Variants in ZDHHC9 observed in about 807,000 individuals in gnomAD.
ZDHHC9 encodes palmitoyltransferase ZDHHC9.
A neutral mutation model predicts 26.6 loss-of-function variants in ZDHHC9; 3 were observed. The ratio of observed to expected loss-of-function variants is 0.11; its 90% CI spans 0.05 to 0.29. The LOEUF is 0.29. Among genes scored for constraint, ZDHHC9 ranks in the 10% least tolerant of loss-of-function variants. The pLI, the probability that ZDHHC9 is intolerant of heterozygous loss-of-function variation, is 1.00. For missense variants in ZDHHC9, 146 were observed against 296.4 expected (o/e 0.49, Z 3.73); for synonymous variants, 111 against 109.4 (o/e 1.01, Z -0.09).
At chrX:129,823,254 A>G in intron 5 of ZDHHC9, 1 of 158,365 alleles carries the variant, frequency 6.3e-6, no homozygotes, top group Admixed American at 7.5e-5. Context: ...CCCAATATGT[A>G]GTAGAAACTC....
intron 5 of ZDHHC9, among the ~76,000 whole-genome samples, chrX:129,818,261 T>C (rs1451509716): frequency 1.8e-5 from 2 of 111,948 alleles, no homozygotes; most frequent in African/African-American, 6.5e-5. Context: ...CTCGCACCTC[T>C]ATCTTGGACT....
chrX:129,820,091 C>T (rs901565970), intron 5 of ZDHHC9, among the ~76,000 whole-genome samples: 2 of 111,184 alleles, frequency 1.8e-5, no homozygotes, highest in East Asian at 5.6e-4. Context: ...ATTTCCACCC[C>T]GAAATATTTT....
In ZDHHC9 at chrX:129,843,702, C is replaced by A. The variant is rs1331963154; in HGVS notation, c.-210G>T. 4.8e-5 allele frequency: 5 copies of A among 103,376 alleles called. No individual in the cohort carries two copies. Among genetic ancestry groups the A allele is most frequent in the African/African-American group, 1.8e-4 (5 of 28,125 alleles). The allele number at this position is 103,376 out of a possible 1,213,427, so 8.5% of individuals were successfully genotyped here. ...CGCCCCCACCCCTCGTTACCTGAAC[C>A]ACGGAGACCCAACTCGGCCGGCAGC... On this transcript the variant is annotated 5_prime_UTR_variant, in exon 1 of 11. Transcript: ENST00000357166.
At chrX:129,826,937 T>C (rs1569321037) in intron 4 of ZDHHC9, among the ~76,000 whole-genome samples, 1 of 112,619 alleles carries the variant, frequency 8.9e-6, no homozygotes. Context: ...CTTACGCCTG[T>C]AATCCCAGAA....
chrX:129,824,875 A>G (rs1358174729), intron 4 of ZDHHC9, among the ~76,000 whole-genome samples: 1 of 112,739 alleles, frequency 8.9e-6, no homozygotes, highest in Non-Finnish European at 1.9e-5. Flanking sequence ...ATGAAAATGT[A>G]TGTTAAAAAG....
chrX:129,830,511 T>A, intron 3 of ZDHHC9, among the ~76,000 whole-genome samples: 1 of 112,176 alleles, frequency 8.9e-6, no homozygotes, highest in Non-Finnish European at 1.9e-5. Context: ...TAAATACTTG[T>A]TGATCTGAAC....
At chrX:129,817,346 C>T (rs1927779242) in intron 5 of ZDHHC9, among the ~76,000 whole-genome samples, 1 of 110,063 alleles carries the variant, frequency 9.1e-6, no homozygotes, top group Non-Finnish European at 1.9e-5. Context: ...CAGCCAATCA[C>T]GAGGCTGAGG....
intron 7 of ZDHHC9, among the ~76,000 whole-genome samples, chrX:129,813,364 A>G (rs1927687603): frequency 8.9e-6 from 1 of 112,023 alleles, no homozygotes. Flanking sequence ...TCTGTCTCAA[A>G]AAAAGAAAAT....
intron 3 of ZDHHC9, among the ~76,000 whole-genome samples, chrX:129,831,545 A>T: frequency 8.9e-6 from 1 of 112,056 alleles, no homozygotes; most frequent in Non-Finnish European, 1.9e-5. Flanking sequence ...TAGGCCAGAC[A>T]AAGGACAACT....
At chrX:129,839,027 A>C (rs1462518007) in intron 3 of ZDHHC9, among the ~76,000 whole-genome samples, 3 of 112,158 alleles carry the variant, frequency 2.7e-5, no homozygotes, top group Non-Finnish European at 5.6e-5. Flanking sequence ...CCCTGCTACT[A>C]AAATGCAGCT....
chrX:129,806,443 C>G lies in ZDHHC9; in HGVS notation c.1022G>C (p.Ser341Thr). ...AGGTGGCATCTCTTCGGGAGTGCTG[C>G]TGTCCTCCGGCATCTCATTTGAGTT... ...HLNSNEMPED[S>T]STPEEMPPPE... Residue 341 changes from serine (S) to threonine (T), a missense_variant, in exon 11 of 11, where the codon AGC becomes ACC. By Grantham distance (58) the Ser-to-Thr change is moderately conservative. Transcript: ENST00000357166. 8.3e-7 allele frequency: 1 copy of G among 1,211,779 alleles called. No homozygotes were observed. Among genetic ancestry groups the G allele is most frequent in the Non-Finnish European group, 1.1e-6 (1 of 895,515 alleles).
intron 4 of ZDHHC9, among the ~76,000 whole-genome samples, chrX:129,825,970 G>C (rs963668552): frequency 4.5e-5 from 5 of 111,786 alleles, no homozygotes; most frequent in Admixed American, 9.5e-5. Flanking sequence ...TTCCCAGACA[G>C]ACCGTATGAA....
At chrX:129,827,719 C>T (rs1928049772) in intron 4 of ZDHHC9, among the ~76,000 whole-genome samples, 2 of 111,298 alleles carry the variant, frequency 1.8e-5, no homozygotes. Context: ...CCTGCAATTG[C>T]TTCTTTTACC....
rs1272599599 is a variant in ZDHHC9, at chrX:129,803,965, G to A, written c.*2405C>T. 1 of 112,136 alleles carries A rather than the reference G, an allele frequency of 8.9e-6. No homozygotes were observed. The highest frequency in any genetic ancestry group is 1.9e-5 in the Non-Finnish European group (1 of 53,251). 9.2% of individuals were successfully genotyped at this position (112,136 alleles called of 1,213,427 possible). The stretch of plus-strand genomic sequence containing the variant: ...TGGTATGAATGGGACAGATCTTCAG[G>A]CCAACATCTTAAACATGGAAGATTT... On this transcript the variant is annotated 3_prime_UTR_variant, in exon 11 of 11. Transcript: ENST00000357166.
rs1927630878 is a variant in ZDHHC9 at position 129,811,122 on chromosome X, C to G, written c.882-121G>C. 9 of 588,823 alleles carry G rather than the reference C, an allele frequency of 1.5e-5. No individual in the cohort carries two copies. The East Asian group carries it at 3.1e-4, about 20-fold the overall frequency. The allele number at this position is 588,823 out of a possible 1,213,427, so 48.5% of individuals were successfully genotyped here. ...CTGTCCTTTGGCAATCTAGCCTGAA[C>G]ACAGCACATGCCTCTTATCTCCCAT... On this transcript the variant is annotated intron_variant, in intron 9 of 10. Coordinates refer to ENST00000357166, the MANE Select transcript of ZDHHC9 (RefSeq NM_016032.4).
intron 3 of ZDHHC9, among the ~76,000 whole-genome samples, chrX:129,831,302 T>G (rs1322281537): frequency 1.8e-5 from 2 of 111,895 alleles, no homozygotes; most frequent in Non-Finnish European, 3.8e-5. Context: ...AAGATCATTC[T>G]TGAAAACAAA....
At chrX:129,816,433 GA>G (rs372086796) in intron 5 of ZDHHC9, among the ~76,000 whole-genome samples, 23 of 103,369 alleles carry the variant, frequency 2.2e-4, no homozygotes, top group African/African-American at 4.9e-4. Context: ...GTATTTATTG[GA>G]AAAAAAAAAC....
At chrX:129,807,776 G>A (rs1310889194) in intron 10 of ZDHHC9, among the ~76,000 whole-genome samples, 5 of 110,903 alleles carry the variant, frequency 4.5e-5, no homozygotes, top group Admixed American at 9.5e-5. Context: ...CCAAGATGGC[G>A]CTGCCGCACT....
At chrX:129,823,559 C>T (rs1477712365) in intron 5 of ZDHHC9, 120 bp downstream of exon 5, 3 of 885,551 alleles carry the variant, frequency 3.4e-6, no homozygotes, top group Admixed American at 2.3e-5. Context: ...ATTTCCCTAT[C>T]TAAATCTAGT....
Sources: gnomAD v4.1 joint callset for allele counts (sites outside exome capture counted in the v4.1 genomes callset) on GRCh38, gnomAD v4.1.1 for gene constraint, MANE v1.5 for transcripts, NCBI Gene and HGNC (gene_info 2026-07-23, HGNC 2026-07-21) for gene names.